Variants in TNK2 observed in about 807,000 individuals in gnomAD.
TNK2 encodes tyrosine kinase non receptor 2, also known as activated CDC42 kinase 1.
TNK2 carries 83 observed loss-of-function variants against 101.8 expected under a neutral mutation model. The observed-to-expected ratio is 0.82, with a 90% CI of 0.68 to 0.98. TNK2 has a LOEUF of 0.98. Ranked by LOEUF, TNK2 falls within the 50% of genes least tolerant of loss-of-function variation. The pLI is 0.00. For synonymous variants in TNK2, 804 were observed against 633.0 expected (o/e 1.27, Z -4.06); for missense variants, 1,665 against 1,483.2 (o/e 1.12, Z -2.01).
At chr3:195,895,451 C>T in intron 1 of TNK2, 2 of 1,421,848 alleles carry the variant, frequency 1.4e-6, no homozygotes, top group Non-Finnish European at 9.2e-7. Flanking sequence ...TGCGTCTCAG[C>T]CCCCATAGCC....
chr3:195,866,020 C>T (rs1437388460), intron 15 of TNK2, among the ~76,000 whole-genome samples: 1 of 152,202 alleles, frequency 6.6e-6, no homozygotes, highest in Non-Finnish European at 1.5e-5. Flanking sequence ...GTGCCTCCTG[C>T]CATGGTGCTG....
intron 1 of TNK2, chr3:195,891,952 C>A (rs961713001): frequency 2.0e-6 from 2 of 991,548 alleles, no homozygotes; most frequent in Non-Finnish European, 1.2e-6. Flanking sequence ...GACCCAGCAA[C>A]AGCGCAGCTC....
At chr3:195,901,307 G>A (rs1353740496) in intron 1 of TNK2, among the ~76,000 whole-genome samples, 2 of 152,202 alleles carry the variant, frequency 1.3e-5, no homozygotes, top group Non-Finnish European at 2.9e-5. Context: ...AATGTTAGCG[G>A]AAGGGTGACT....
rs373491945 is a variant in TNK2, at chr3:195,878,574, T to A, written c.1033A>T (p.Lys345Ter). Residue 345 changes from lysine to a stop codon, truncating the protein, a stop_gained, in exon 8 of 16, where the codon AAG (lysine) becomes TAG (stop). Transcript: ENST00000672887. LOFTEE classifies it high-confidence loss of function. The surrounding 1 kb of genome is among the most constrained non-coding windows in gnomAD (Gnocchi z 4.7). ...GGCCGGGGCAGCCGCTCCCCCTCCT[T>A]GTCGATCTTATGCAGGATCTGAAGG... is the stretch of plus-strand genomic sequence containing the variant. ...NGSQILHKIDKEGERLPRPED... is the reference protein window; with the variant it reads ...NGSQILHKID 6.2e-7 allele frequency: 1 copy of A among 1,613,060 alleles called. No individual in the cohort carries two copies. Among genetic ancestry groups the A allele is most frequent in the African/African-American group, 1.3e-5 (1 of 74,896 alleles).
At position 195,869,671 on chromosome 3, in the gene TNK2, G is replaced by A. The variant is rs1190047259; in HGVS notation, c.1544-130C>T. ...GAGAAGTGAATGGGGGCGAGTGAAT[G>A]TACAAGCCCCCAGCAAACGGGAGGC... On this transcript the variant is annotated intron_variant, in intron 11 of 15. Coordinates refer to ENST00000672887, the MANE Select transcript of TNK2 (RefSeq NM_001382273.1). 1.7e-5 allele frequency: 16 copies of A among 951,522 alleles called. No homozygotes were observed. The East Asian group carries it at 2.9e-4, about 17-fold the overall frequency. The allele number at this position is 951,522 out of a possible 1,614,324, so 58.9% of individuals were successfully genotyped here.
chr3:195,889,912 C>T (rs958178373), intron 1 of TNK2, among the ~76,000 whole-genome samples: 1 of 152,178 alleles, frequency 6.6e-6, no homozygotes, highest in Non-Finnish European at 1.5e-5. Context: ...CAAGCCATCC[C>T]CCTCCCCCAC....
At position 195,885,177 on chromosome 3, in the gene TNK2, T is replaced by A. The variant is rs368380788; in HGVS notation, c.235-144A>T. 1,752 of 1,030,086 alleles carry A rather than the reference T, an allele frequency of 1.7e-3. 20 individuals are homozygous for A. The African/African-American group carries it at 0.025, about 15-fold the overall frequency. 63.8% of individuals were successfully genotyped at this position (1,030,086 alleles called of 1,614,324 possible). On this transcript the variant is annotated intron_variant, in intron 3 of 15. Transcript: ENST00000672887. The surrounding 1 kb of genome is among the most constrained non-coding windows in gnomAD (Gnocchi z 4.7). Reference sequence around the variant, plus strand: ...TTGCCAAACTGTCAGTGGGGCAGCCTGGCTGGAGGCCCACACTCCGTCCAG... The same window carrying A: ...TTGCCAAACTGTCAGTGGGGCAGCCAGGCTGGAGGCCCACACTCCGTCCAG...
chr3:195,864,892 G>A (rs1240108019), intron 15 of TNK2, among the ~76,000 whole-genome samples: 73 of 78,158 alleles, frequency 9.3e-4, no homozygotes, highest in Middle Eastern at 0.032. Context: ...CCTGCGTCCC[G>A]GGTGCAAATC....
intron 1 of TNK2, among the ~76,000 whole-genome samples, chr3:195,896,566 G>C (rs903353837): frequency 6.6e-6 from 1 of 152,186 alleles, no homozygotes; most frequent in Non-Finnish European, 1.5e-5. Context: ...TGCAAAGCCG[G>C]GAGACTGTAG....
intron 4 of TNK2, 70 bp from the exon 5 acceptor site, chr3:195,883,379 A>C: frequency 1.3e-6 from 2 of 1,577,802 alleles, no homozygotes; most frequent in Non-Finnish European, 1.7e-6. Flanking sequence ...AACCTGCTCC[A>C]CCCTCCAACT....
intron 4 of TNK2, chr3:195,883,611 T>C: frequency 7.0e-6 from 2 of 285,674 alleles, no homozygotes; most frequent in Non-Finnish European, 1.4e-5. Context: ...ATTCAAATGT[T>C]ATAAAATGGA....
chr3:195,894,022 G>C (rs1428266545), intron 1 of TNK2, among the ~76,000 whole-genome samples: 1 of 152,240 alleles, frequency 6.6e-6, no homozygotes, highest in Non-Finnish European at 1.5e-5. Context: ...GAGATGGCAG[G>C]TGTGGATGGA....
At position 195,886,886 on chromosome 3, in the gene TNK2, C is replaced by T. The variant is rs907394814; in HGVS notation, c.234+91G>A. On this transcript the variant is annotated intron_variant, in intron 3 of 15. Transcript: ENST00000672887. This position sits in a 1 kb window ranked among gnomAD's most constrained non-coding sequence, Gnocchi z 4.2. ...GGCAGAACGGCGAGATTCGACCTGC[C>T]GGGGAGCTGGGGAAGGTTCCCAGGA... The T allele has an allele frequency of 3.2e-5, 45 of 1,423,214 alleles. 1 individual carries two copies. The highest frequency in any genetic ancestry group is 6.7e-5 in the Admixed American group (4 of 59,422). The allele number at this position is 1,423,214 out of a possible 1,614,324, so 88.2% of individuals were successfully genotyped here.
rs1168676164 is a variant in TNK2 at position 195,878,838 on chromosome 3, C to T, written c.1014+211G>A. On this transcript the variant is annotated intron_variant, in intron 7 of 15. Coordinates refer to ENST00000672887, the MANE Select transcript of TNK2 (RefSeq NM_001382273.1). This position sits in a 1 kb window ranked among gnomAD's most constrained non-coding sequence, Gnocchi z 4.7. ...GGGCAGGCCCCAGCTTTTCCCTCCC[C>T]GTCTCTTTGCTGGGCTCTCCCTGAG... Among the ~76,000 whole-genome samples, 1 of 152,190 alleles carries T rather than the reference C, an allele frequency of 6.6e-6. No individual in the cohort carries two copies. The highest frequency in any genetic ancestry group is 1.5e-5 in the Non-Finnish European group (1 of 68,034).
intron 11 of TNK2, 70 bp downstream of exon 11, chr3:195,870,044 C>T (rs1418055334): frequency 8.4e-7 from 1 of 1,194,882 alleles, no homozygotes; most frequent in Non-Finnish European, 1.2e-6. Context: ...CTTAGGGTGG[C>T]CTGTGAAGAC....
At chr3:195,884,592 G>A (rs1030997822) in intron 4 of TNK2, 9 of 480,352 alleles carry the variant, frequency 1.9e-5, no homozygotes, top group South Asian at 1.2e-4. Flanking sequence ...GCAGGAAGCC[G>A]AGATCGTGCC....
intron 1 of TNK2, among the ~76,000 whole-genome samples, chr3:195,902,899 AC>A (rs1356189995): frequency 6.7e-6 from 1 of 149,368 alleles, no homozygotes; most frequent in Non-Finnish European, 1.5e-5. Flanking sequence ...ACATGAGCAT[AC>A]CATCACACCC....
intron 6 of TNK2, among the ~76,000 whole-genome samples, chr3:195,880,097 T>A (rs1301408648): frequency 6.6e-6 from 1 of 152,096 alleles, no homozygotes; most frequent in Admixed American, 6.5e-5. Context: ...GGAACAACCC[T>A]TCCCGCCTCA....
At chr3:195,895,301 G>A in intron 1 of TNK2, 3 of 1,573,208 alleles carry the variant, frequency 1.9e-6, no homozygotes, top group Non-Finnish European at 2.6e-6. Context: ...CTCCCCCATG[G>A]AGCCCCAAAT....
Sources: gnomAD v4.1 joint callset for allele counts (sites outside exome capture counted in the v4.1 genomes callset) on GRCh38, gnomAD v4.1.1 for gene constraint, Gnocchi (gnomAD v3.1) non-coding constraint, MANE v1.5 for transcripts, NCBI Gene and HGNC (gene_info 2026-07-23, HGNC 2026-07-21) for gene names.